The following PCDHB11 variants were observed in gnomAD, a reference collection of about 807,000 sequenced individuals.
PCDHB11 encodes protocadherin beta 11, also known as protocadherin beta-11.
For missense variants in PCDHB11, 1,151 were observed against 1,003.4 expected (o/e 1.15, Z -1.99); for synonymous variants, 522 against 442.0 (o/e 1.18, Z -2.27).
rs373740953 is a variant in PCDHB11, at chr5:141,201,853, G to T, written c.2079G>T (p.Ala693=). The T allele has an allele frequency of 2.0e-5, 32 of 1,610,970 alleles. No homozygotes were observed. Among genetic ancestry groups the T allele is most frequent in the Non-Finnish European group, 2.5e-5 (29 of 1,179,870 alleles). Residue 693 remains alanine (A), a synonymous_variant, in exon 1 of 1, where the codon GCG becomes GCT. Coordinates refer to ENST00000354757, the MANE Select transcript of PCDHB11 (RefSeq NM_018931.3). The stretch of plus-strand genomic sequence containing the variant: ...CGCTCACCGTCTACTTGGTGGTGGC[G>T]TTGGCCTCGGTGTCTTCGCTCTTCC... The part of the protein sequence containing the change: ...ADSLTVYLVV[A]LASVSSLFLF...
In PCDHB11 at chr5:141,202,290, T is replaced by G. The variant is rs1349091517; in HGVS notation, c.*122T>G. 8 of 1,043,320 alleles carry G rather than the reference T, an allele frequency of 7.7e-6. No homozygotes were observed. The highest frequency in any genetic ancestry group is 1.1e-5 in the Non-Finnish European group (8 of 748,192). The allele number at this position is 1,043,320 out of a possible 1,614,324, so 64.6% of individuals were successfully genotyped here. A position where few individuals can be genotyped will look rare whatever the true frequency, so the allele number is the denominator to read the frequency against. On this transcript the variant is annotated 3_prime_UTR_variant, in exon 1 of 1. Transcript: ENST00000354757. ...ACTAATTGTATTTTTAATTTTTTCT[T>G]TTCTCCCCCAATTTTTTTTTTTTTT... is the stretch of plus-strand genomic sequence containing the variant.
Position 141,201,771 on chromosome 5 carries a change from T to A in PCDHB11, c.1997T>A (p.Phe666Tyr). The part of the protein sequence containing the change: ...ATLQVLLVDG[F>Y]SQPYLPLPEA... ...CTGCAAGTGCTCCTGGTGGACGGCTTCTCCCAGCCCTACCTGCCGCTCCCT... is the reference window on the plus strand; with the variant it reads ...CTGCAAGTGCTCCTGGTGGACGGCTACTCCCAGCCCTACCTGCCGCTCCCT... Residue 666 changes from phenylalanine (F) to tyrosine (Y), a missense_variant, in exon 1 of 1, where the codon TTC (phenylalanine) becomes TAC (tyrosine). Physicochemically the swap from Phe to Tyr is conservative, Grantham distance 22. Coordinates refer to ENST00000354757, the MANE Select transcript of PCDHB11 (RefSeq NM_018931.3). 1.2e-6 allele frequency: 2 copies of A among 1,609,304 alleles called. No individual in the cohort carries two copies. The highest frequency in any genetic ancestry group is 8.5e-7 in the Non-Finnish European group (1 of 1,179,752).
At position 141,202,228 on chromosome 5, in the gene PCDHB11, A is replaced by T. The variant is rs1554285859; in HGVS notation, c.*60A>T. On this transcript the variant is annotated 3_prime_UTR_variant, in exon 1 of 1. Transcript: ENST00000354757. ...AGTTTTATGTAACCATATCAATATT[A>T]TTTAGTCTTAAACTAGTTACGTTAT... The T allele has an allele frequency of 5.8e-6, 8 of 1,374,846 alleles. No homozygotes were observed. In the Admixed American group the frequency reaches 1.2e-4, roughly 21 times the overall value. The allele number at this position is 1,374,846 out of a possible 1,614,324, so 85.2% of individuals were successfully genotyped here.
chr5:141,201,369 G>A lies in PCDHB11; in HGVS notation c.1595G>A (p.Gly532Asp), dbSNP rs782474308. 6.8e-6 allele frequency: 11 copies of A among 1,612,694 alleles called. No homozygotes were observed. The highest frequency in any genetic ancestry group is 9.3e-6 in the Non-Finnish European group (11 of 1,179,894). The change falls in exon 1 of 1, where the codon GGC (glycine) becomes GAC (aspartate). Residue 532 changes from glycine (G) to aspartate (D), a missense_variant. Physicochemically the swap from Gly to Asp is moderately conservative, Grantham distance 94. Transcript: ENST00000354757. ...CTGCAGGCTTTCGACTTCCGCGTGG[G>A]CGCCACAGACCGCGGCTCCCCGGCT... ...EALQAFDFRVGATDRGSPALS... is the reference protein window; with the variant it reads ...EALQAFDFRVDATDRGSPALS...
chr5:141,202,147 T>C lies in PCDHB11; in HGVS notation c.2373T>C (p.Asn791=), dbSNP rs1554285841. Residue 791 remains asparagine (N), a synonymous_variant, in exon 1 of 1, where the codon AAT becomes AAC. Transcript: ENST00000354757. The part of the protein sequence containing the change: ...KNSEENSTFR[N]SFGFNF ...GTGAAGAAAACTCCACCTTTCGAAA[T>C]AGCTTTGGATTTAATTTTTAGTAAG... 1 of 1,602,596 alleles carries C rather than the reference T, an allele frequency of 6.2e-7. No individual in the cohort carries two copies. Among genetic ancestry groups the C allele is most frequent in the Non-Finnish European group, 8.5e-7 (1 of 1,174,276 alleles).
In PCDHB11 at chr5:141,202,410, C is replaced by T. The variant is rs782374208; in HGVS notation, c.*242C>T. ...CGCCTCTCGGGTTCAAGCAATTCTC[C>T]TGCATCAGCCTCCCGAGTAGCTGGC... On this transcript the variant is annotated 3_prime_UTR_variant, in exon 1 of 1. Coordinates refer to ENST00000354757, the MANE Select transcript of PCDHB11 (RefSeq NM_018931.3). The T allele has an allele frequency of 1.3e-4, 41 of 314,974 alleles. No individual in the cohort carries two copies. Among genetic ancestry groups the T allele is most frequent in the Non-Finnish European group, 2.1e-4 (37 of 175,356 alleles). 19.5% of individuals were successfully genotyped at this position (314,974 alleles called of 1,614,324 possible). A position where few individuals can be genotyped will look rare whatever the true frequency, so the allele number is the denominator to read the frequency against.
chr5:141,201,103 C>G lies in PCDHB11; in HGVS notation c.1329C>G (p.Asp443Glu). The change falls in exon 1 of 1, where the codon GAC becomes GAG. Residue 443 changes from aspartate to glutamate, a missense_variant. By Grantham distance (45) the Asp-to-Glu change is conservative. Transcript: ENST00000354757. ...ACAACACAACTGTGTTGGTCTCTGA[C>G]GTCAATGACAACGCCCCCACCTTCA... ...TEHNTTVLVS[D>E]VNDNAPTFTQ... 6.2e-7 allele frequency: 1 copy of G among 1,614,168 alleles called. No homozygotes were observed. Among genetic ancestry groups the G allele is most frequent in the Non-Finnish European group, 8.5e-7 (1 of 1,180,038 alleles).
rs782740431 is a variant in PCDHB11, at chr5:141,202,193, G to A, written c.*25G>A. 5.8e-6 allele frequency: 9 copies of A among 1,553,318 alleles called. No individual in the cohort carries two copies. Among genetic ancestry groups the A allele is most frequent in the Admixed American group, 3.9e-5 (2 of 51,826 alleles). On this transcript the variant is annotated 3_prime_UTR_variant, in exon 1 of 1. Transcript: ENST00000354757. ...GTAAGAATGCTATTTACATTTGCAT[G>A]TACTTTTTTAGTTTTATGTAACCAT...
chr5:141,201,829 G>A lies in PCDHB11; in HGVS notation c.2055G>A (p.Ser685=), dbSNP rs781925828. ...CACCGGCCCAGGCCCAGGCCGACTC[G>A]CTCACCGTCTACTTGGTGGTGGCGT... The part of the protein sequence containing the change: ...EAAPAQAQAD[S]LTVYLVVALA... Residue 685 remains serine (S), a synonymous_variant, in exon 1 of 1, where the codon TCG becomes TCA. Transcript: ENST00000354757. 1.1e-5 allele frequency: 18 copies of A among 1,610,666 alleles called. No homozygotes were observed. The highest frequency in any genetic ancestry group is 2.7e-5 in the African/African-American group (2 of 74,980).
In PCDHB11 at chr5:141,201,671, C is replaced by G. The variant is rs782241750; in HGVS notation, c.1897C>G (p.Arg633Gly). The change falls in exon 1 of 1, where the codon CGC becomes GGC. Residue 633 changes from arginine (R) to glycine (G), a missense_variant. Arg to Gly is a moderately radical substitution (Grantham distance 125). Coordinates refer to ENST00000354757, the MANE Select transcript of PCDHB11 (RefSeq NM_018931.3). ...EVRTARLLSE[R>G]DAAKHRLVVL... ...GCGCACCGCCAGGCTGCTGAGCGAG[C>G]GCGACGCGGCCAAGCACAGGCTGGT... 42 of 1,605,652 alleles carry G rather than the reference C, an allele frequency of 2.6e-5. No individual in the cohort carries two copies. The highest frequency in any genetic ancestry group is 3.3e-5 in the Non-Finnish European group (39 of 1,179,292).
rs782099916 is a variant in PCDHB11, at chr5:141,200,614, CT to C, written c.844del (p.Ser282ProfsTer22). On this transcript the variant is annotated frameshift_variant, in exon 1 of 1. Transcript: ENST00000354757. LOFTEE classifies it low-confidence loss of function (END_TRUNC). Reference sequence around the variant, plus strand: ...GAACAAATGGTGAAATATGCTATACCTTTTCCCATGCCTCAGAAGATATTCG... The same window carrying C: ...GAACAAATGGTGAAATATGCTATACCTTTCCCATGCCTCAGAAGATATTCG... ...SGTNGEICYT[F>X]SHASEDIRKT... The C allele has an allele frequency of 1.2e-5, 19 of 1,614,056 alleles. No individual in the cohort carries two copies. Among genetic ancestry groups the C allele is most frequent in the Admixed American group, 1.7e-5 (1 of 59,990 alleles).
rs1754212026 is a variant in PCDHB11 at position 141,201,985 on chromosome 5, G to A, written c.2211G>A (p.Val737=). ...AGGGCCCCTTTCCAGGGCATCTGGT[G>A]GACGTGAGCGGCACCGGGACCCTTT... ...VPKGPFPGHL[V]DVSGTGTLSQ... The change falls in exon 1 of 1, where the codon GTG becomes GTA. Residue 737 remains valine (V), a synonymous_variant. Transcript: ENST00000354757. 6.2e-7 allele frequency: 1 copy of A among 1,614,052 alleles called. No individual in the cohort carries two copies. The highest frequency in any genetic ancestry group is 1.7e-5 in the Admixed American group (1 of 60,012).
In PCDHB11 at chr5:141,200,468, G is replaced by C. The variant is rs200510122; in HGVS notation, c.694G>C (p.Val232Leu). 6.2e-6 allele frequency: 10 copies of C among 1,614,002 alleles called. No homozygotes were observed. The highest frequency in any genetic ancestry group is 8.5e-6 in the Non-Finnish European group (10 of 1,180,044). The change falls in exon 1 of 1, where the codon GTT becomes CTT. Residue 232 changes from valine to leucine, a missense_variant. Physicochemically the swap from Val to Leu is conservative, Grantham distance 32. Transcript: ENST00000354757. ...RSGTALVRVV[V>L]VDINDNSPEF... is the part of the protein sequence containing the mutation. ...TGGAACTGCCTTGGTCAGGGTGGTG[G>C]TTGTGGACATTAATGACAACTCCCC...
In PCDHB11 at chr5:141,200,756, T is replaced by G. The variant is rs1554285381; in HGVS notation, c.982T>G (p.Phe328Val). Reference protein sequence around the residue: ...IIQATDGGGLFGKSTVIIHVI... With the variant: ...IIQATDGGGLVGKSTVIIHVI... Reference sequence around the variant, plus strand: ...TCAAGCCACAGATGGGGGAGGACTTTTTGGAAAATCTACAGTCATAATTCA... The same window carrying G: ...TCAAGCCACAGATGGGGGAGGACTTGTTGGAAAATCTACAGTCATAATTCA... Residue 328 changes from phenylalanine to valine, a missense_variant, in exon 1 of 1, where the codon TTT (phenylalanine) becomes GTT (valine). Transcript: ENST00000354757. 6.2e-7 allele frequency: 1 copy of G among 1,614,170 alleles called. No individual in the cohort carries two copies. Among genetic ancestry groups the G allele is most frequent in the Admixed American group, 1.7e-5 (1 of 60,016 alleles).
Position 141,200,480 on chromosome 5 carries a change from A to C in PCDHB11, c.706A>C (p.Asn236His), listed in dbSNP as rs782073835. ...GGTCAGGGTGGTGGTTGTGGACATT[A>C]ATGACAACTCCCCTGAATTTGAGCA... ...ALVRVVVVDI[N>H]DNSPEFEQAF... Residue 236 changes from asparagine to histidine, a missense_variant, in exon 1 of 1, where the codon AAT becomes CAT. Transcript: ENST00000354757. 1 of 1,614,104 alleles carries C rather than the reference A, an allele frequency of 6.2e-7. No homozygotes were observed. The highest frequency in any genetic ancestry group is 8.5e-7 in the Non-Finnish European group (1 of 1,180,030).
chr5:141,199,809 G>A lies in PCDHB11; in HGVS notation c.35G>A (p.Arg12Lys). ...ENQGTRTQQIRQVLLLFVLLG... is the reference protein window; with the variant it reads ...ENQGTRTQQIKQVLLLFVLLG... ...CAAGGGACACGCACTCAGCAGATAA[G>A]GCAAGTCCTGCTTCTCTTTGTTTTG... The change falls in exon 1 of 1, where the codon AGG becomes AAG. Residue 12 changes from arginine (R) to lysine (K), a missense_variant. By Grantham distance (26) the Arg-to-Lys change is conservative. Transcript: ENST00000354757. 3.1e-6 allele frequency: 5 copies of A among 1,614,188 alleles called. No homozygotes were observed. Among genetic ancestry groups the A allele is most frequent in the Non-Finnish European group, 3.4e-6 (4 of 1,180,036 alleles).
At position 141,199,801 on chromosome 5, in the gene PCDHB11, G is replaced by T. The variant is rs782686251; in HGVS notation, c.27G>T (p.Gln9His). The T allele has an allele frequency of 3.7e-6, 6 of 1,614,200 alleles. No individual in the cohort carries two copies. Among genetic ancestry groups the T allele is most frequent in the Non-Finnish European group, 5.1e-6 (6 of 1,180,026 alleles). Reference protein sequence around the residue: MENQGTRTQQIRQVLLLFV... With the variant: MENQGTRTHQIRQVLLLFV... Reference sequence around the variant, plus strand: ...TGGAGAACCAAGGGACACGCACTCAGCAGATAAGGCAAGTCCTGCTTCTCT... The same window carrying T: ...TGGAGAACCAAGGGACACGCACTCATCAGATAAGGCAAGTCCTGCTTCTCT... Residue 9 changes from glutamine (Q) to histidine (H), a missense_variant, in exon 1 of 1, where the codon CAG becomes CAT. Coordinates refer to ENST00000354757, the MANE Select transcript of PCDHB11 (RefSeq NM_018931.3).
chr5:141,200,451 C>T lies in PCDHB11; in HGVS notation c.677C>T (p.Ala226Val), dbSNP rs376140389. 3.4e-5 allele frequency: 55 copies of T among 1,614,002 alleles called. 1 individual carries two copies. Among genetic ancestry groups the T allele is most frequent in the Non-Finnish European group, 2.7e-5 (32 of 1,180,026 alleles). ...DGGSPPRSGTALVRVVVVDIN... is the reference protein window; with the variant it reads ...DGGSPPRSGTVLVRVVVVDIN... ...GGGTCCCCTCCCAGGTCTGGAACTG[C>T]CTTGGTCAGGGTGGTGGTTGTGGAC... Residue 226 changes from alanine (A) to valine (V), a missense_variant, in exon 1 of 1, where the codon GCC (alanine) becomes GTC (valine). Ala to Val is a moderately conservative substitution (Grantham distance 64). Coordinates refer to ENST00000354757, the MANE Select transcript of PCDHB11 (RefSeq NM_018931.3).
chr5:141,202,494 G>C lies in PCDHB11; in HGVS notation c.*326G>C. 5.5e-6 allele frequency: 1 copy of C among 182,058 alleles called. No homozygotes were observed. Among genetic ancestry groups the C allele is most frequent in the Non-Finnish European group, 1.1e-5 (1 of 88,150 alleles). 11.3% of individuals were successfully genotyped at this position (182,058 alleles called of 1,614,324 possible). On this transcript the variant is annotated 3_prime_UTR_variant, in exon 1 of 1. Coordinates refer to ENST00000354757, the MANE Select transcript of PCDHB11 (RefSeq NM_018931.3). ...TTTTTTTTTTTTTATCTTTAGTAGA[G>C]ACGGGGTTTCACCACGTTGGCCGGG...
Sources: gnomAD v4.1 joint callset for allele counts on GRCh38, gnomAD v4.1.1 for gene constraint, MANE v1.5 for transcripts, NCBI Gene and HGNC (gene_info 2026-07-23, HGNC 2026-07-21) for gene names.